The following EIF4G3 variants were observed in gnomAD, a reference collection of about 807,000 sequenced individuals.
EIF4G3 encodes eukaryotic translation initiation factor 4 gamma 3.
In EIF4G3, 34 loss-of-function variants were observed where a neutral mutation model predicts 186.4. That is an observed-to-expected ratio of 0.18 (90% confidence interval 0.14 to 0.24). EIF4G3 has a LOEUF of 0.24. Among genes scored for constraint, EIF4G3 ranks in the 10% least tolerant of loss-of-function variants. The probability of loss-of-function intolerance (pLI) is 1.00; values close to 1 mark genes in which losing one functional copy is unlikely to be tolerated. For synonymous variants in EIF4G3, 673 were observed against 679.5 expected (o/e 0.99, Z 0.15); for missense variants, 1,536 against 1,948.5 (o/e 0.79, Z 3.99).
chr1:20,992,839 C>T (rs2081412547), intron 7 of EIF4G3, among the ~76,000 whole-genome samples: 1 of 152,096 alleles, frequency 6.6e-6, no homozygotes, highest in Non-Finnish European at 1.5e-5. Context: ...TAAACCAGAA[C>T]TACACAGATT....
At chr1:20,856,363 T>A (rs563444618) in intron 25 of EIF4G3, among the ~76,000 whole-genome samples, 2 of 152,366 alleles carry the variant, frequency 1.3e-5, no homozygotes, top group African/African-American at 4.8e-5. Context: ...GTCTTCAGTA[T>A]TTTGCTAGCA....
chr1:20,996,531 C>T (rs914884718), intron 7 of EIF4G3, among the ~76,000 whole-genome samples: 1 of 152,092 alleles, frequency 6.6e-6, no homozygotes, highest in African/African-American at 2.4e-5. Flanking sequence ...AAAACAGAGT[C>T]AGGTATTAAA....
intron 8 of EIF4G3, 90 bp from the exon 9 acceptor site, chr1:20,981,317 A>C: frequency 1.1e-6 from 1 of 882,766 alleles, no homozygotes; most frequent in Non-Finnish European, 1.6e-6. Flanking sequence ...ACTAATAAAA[A>C]TCTGGTCAAC....
At chr1:20,835,103 T>C (rs2066363656) in intron 30 of EIF4G3, among the ~76,000 whole-genome samples, 1 of 152,118 alleles carries the variant, frequency 6.6e-6, no homozygotes, top group African/African-American at 2.4e-5. Context: ...TATGTGAATA[T>C]TAAACAACAT....
At chr1:20,967,015 C>T (rs1344195033) in intron 12 of EIF4G3, among the ~76,000 whole-genome samples, 1 of 152,144 alleles carries the variant, frequency 6.6e-6, no homozygotes, top group Admixed American at 6.5e-5. Context: ...TGACTGATGG[C>T]CTTCATCTGT....
At chr1:21,063,533 G>C (rs1268287828) in intron 3 of EIF4G3, among the ~76,000 whole-genome samples, 1 of 151,984 alleles carries the variant, frequency 6.6e-6, no homozygotes, top group Admixed American at 6.5e-5. Context: ...AAAATGAGAA[G>C]TTGCTTATGG....
chr1:20,990,831 G>A (rs889897145), intron 7 of EIF4G3, among the ~76,000 whole-genome samples: 3 of 152,046 alleles, frequency 2.0e-5, no homozygotes, highest in African/African-American at 7.3e-5. Context: ...CTTGATTGTC[G>A]TGGTCTGAAA....
Position 21,121,706 on chromosome 1 carries a change from C to T in EIF4G3, c.-271-32493G>A, listed in dbSNP as rs1034755321. Among the ~76,000 whole-genome samples, 56 of 148,948 alleles carry T rather than the reference C, an allele frequency of 3.8e-4. 1 individual carries two copies. The highest frequency in any genetic ancestry group is 1.6e-4 in the Non-Finnish European group (11 of 67,552). On this transcript the variant is annotated intron_variant, in intron 2 of 36. Coordinates refer to ENST00000602326, the MANE Select transcript of EIF4G3 (RefSeq NM_001391906.1). ...AGGAGAATCACTTGAACCTGGGAGG[C>T]GGAGGTTGCAGTGAGCCAAGATCAT... is the stretch of plus-strand genomic sequence containing the variant.
chr1:20,893,688 C>A, intron 17 of EIF4G3, 52 bp from the exon 18 acceptor site: 1 of 1,427,034 alleles, frequency 7.0e-7, no homozygotes, highest in East Asian at 2.5e-5. Flanking sequence ...GCATTCCCTG[C>A]CACAAAAGAT....
At chr1:21,110,274 G>A (rs561281699) in intron 2 of EIF4G3, among the ~76,000 whole-genome samples, 81 of 151,668 alleles carry the variant, frequency 5.3e-4, no homozygotes, top group Non-Finnish European at 9.1e-4. Context: ...CTATAATTCA[G>A]CACAGGTTTC....
intron 10 of EIF4G3, among the ~76,000 whole-genome samples, chr1:20,979,944 G>A (rs1376146808): frequency 6.6e-6 from 1 of 152,036 alleles, no homozygotes. Context: ...TAGAGACGGG[G>A]TTTCACCATG....
chr1:20,829,105 A>T, intron 31 of EIF4G3, 42 bp downstream of exon 31: 1 of 1,596,830 alleles, frequency 6.3e-7, no homozygotes, highest in East Asian at 2.2e-5. Context: ...GTTATTAGTC[A>T]GTTCTACCTG....
intron 15 of EIF4G3, 140 bp downstream of exon 15, chr1:20,904,743 A>T (rs1271451830): frequency 4.2e-6 from 2 of 481,808 alleles, no homozygotes; most frequent in Non-Finnish European, 7.2e-6. Flanking sequence ...TCTAATATAA[A>T]ATGGACTTAA....
At chr1:20,829,683 G>A (rs1239881041) in intron 30 of EIF4G3, among the ~76,000 whole-genome samples, 3 of 152,186 alleles carry the variant, frequency 2.0e-5, no homozygotes, top group African/African-American at 7.2e-5. Flanking sequence ...CTCTGAGTCA[G>A]TCAAAAGCAC....
intron 3 of EIF4G3, chr1:21,073,646 C>T (rs7554997): frequency 0.4 from 204,981 of 517,364 alleles, 42,500 homozygotes; most frequent in Non-Finnish European, 0.44. Context: ...ATGCAGATTT[C>T]GGTGCTTTCC....
intron 34 of EIF4G3, among the ~76,000 whole-genome samples, 159 bp from the exon 35 acceptor site, chr1:20,813,398 T>TAA (rs11303095): frequency 0.011 from 916 of 81,768 alleles, 12 homozygotes; most frequent in African/African-American, 0.016. Flanking sequence ...CCCTATCTCT[T>TAA]AAAAAAAAAA....
intron 2 of EIF4G3, among the ~76,000 whole-genome samples, chr1:21,119,992 G>A (rs1014021936): frequency 1.3e-5 from 2 of 150,982 alleles, no homozygotes; most frequent in Admixed American, 1.3e-4. Context: ...CTAAAATATG[G>A]GTCTCATTCA....
intron 18 of EIF4G3, among the ~76,000 whole-genome samples, chr1:20,888,431 AT>A (rs1170377635): frequency 6.6e-6 from 1 of 152,200 alleles, no homozygotes; most frequent in African/African-American, 2.4e-5. Context: ...TTATCTAGCT[AT>A]TAATAGATCT....
At chr1:21,007,727 G>A in intron 4 of EIF4G3, among the ~76,000 whole-genome samples, 1 of 151,664 alleles carries the variant, frequency 6.6e-6, no homozygotes, top group Admixed American at 6.6e-5. Context: ...AGTATAAAAA[G>A]ACTCTGTCTT....
Sources: gnomAD v4.1 joint callset for allele counts (sites outside exome capture counted in the v4.1 genomes callset) on GRCh38, gnomAD v4.1.1 for gene constraint, MANE v1.5 for transcripts, NCBI Gene and HGNC (gene_info 2026-07-23, HGNC 2026-07-21) for gene names.